The following SLC66A3 variants were observed in gnomAD, a reference collection of about 807,000 sequenced individuals.
The protein encoded by SLC66A3 is PQ loop repeat containing 3.
Under a neutral mutation model 25.5 loss-of-function variants are expected in SLC66A3, and 23 were observed. The observed-to-expected ratio is 0.90, with a 90% CI of 0.65 to 1.28. The LOEUF is 1.28. Ranked by LOEUF, SLC66A3 falls within the 50% of genes most tolerant of loss-of-function variation. The pLI, the probability that SLC66A3 is intolerant of heterozygous loss-of-function variation, is 0.00. For missense variants in SLC66A3, 246 were observed against 262.1 expected (o/e 0.94, Z 0.42); for synonymous variants, 108 against 112.6 (o/e 0.96, Z 0.26).
chr2:11,176,166 T>C (rs921556819), intron 6 of SLC66A3, among the ~76,000 whole-genome samples: 1 of 152,336 alleles, frequency 6.6e-6, no homozygotes, highest in Non-Finnish European at 1.5e-5. Context: ...TTATTTCTTA[T>C]CTATGACAGC....
intron 4 of SLC66A3, among the ~76,000 whole-genome samples, chr2:11,165,570 G>A (rs577762604): frequency 1.9e-3 from 286 of 151,828 alleles, no homozygotes; most frequent in Non-Finnish European, 3.5e-3. Flanking sequence ...CATCCCAGAC[G>A]ATGGGCGGCC....
intron 1 of SLC66A3, among the ~76,000 whole-genome samples, chr2:11,158,864 C>G (rs1169582210): frequency 6.6e-6 from 1 of 152,210 alleles, no homozygotes; most frequent in African/African-American, 2.4e-5. Context: ...ACTGTCCCCA[C>G]CCCACCTCCC....
At chr2:11,170,036 A>C (rs1479196505) in intron 4 of SLC66A3, among the ~76,000 whole-genome samples, 1 of 151,708 alleles carries the variant, frequency 6.6e-6, no homozygotes, top group African/African-American at 2.4e-5. Flanking sequence ...ATGGGGTTTC[A>C]CCATGTTGAC....
At chr2:11,177,345 A>G (rs1662791765) in intron 6 of SLC66A3, among the ~76,000 whole-genome samples, 1 of 151,972 alleles carries the variant, frequency 6.6e-6, no homozygotes, top group South Asian at 2.1e-4. Context: ...CTGTCATCCC[A>G]GGTGCCTGGG....
At chr2:11,168,055 C>T (rs1233993452) in intron 4 of SLC66A3, among the ~76,000 whole-genome samples, 5 of 152,042 alleles carry the variant, frequency 3.3e-5, no homozygotes, top group Non-Finnish European at 5.9e-5. Context: ...CCGAGACGGG[C>T]GGATCACAAG....
At chr2:11,160,776 C>G (rs1049473801) in intron 3 of SLC66A3, 82 bp downstream of exon 3, 161 of 1,584,742 alleles carry the variant, frequency 1.0e-4, no homozygotes, top group Non-Finnish European at 1.3e-4. Flanking sequence ...GGCTCCTTTA[C>G]CAGATGTGTA....
At chr2:11,166,494 CTCTGTTACATT>C (rs1395127945) in intron 4 of SLC66A3, among the ~76,000 whole-genome samples, 6 of 152,330 alleles carry the variant, frequency 3.9e-5, no homozygotes, top group African/African-American at 1.4e-4. Context: ...AGACTAGATT[CTCTGTTACATT>C]TCTGTTACAT....
intron 2 of SLC66A3, 36 bp from the exon 3 acceptor site, chr2:11,160,588 TC>T: frequency 6.2e-7 from 1 of 1,614,112 alleles, no homozygotes; most frequent in Non-Finnish European, 8.5e-7. Flanking sequence ...GCCACGGGTC[TC>T]CCCTTCCCCC....
chr2:11,177,498 C>T (rs1302021923), intron 6 of SLC66A3, among the ~76,000 whole-genome samples: 1 of 151,988 alleles, frequency 6.6e-6, no homozygotes, highest in Non-Finnish European at 1.5e-5. Flanking sequence ...CCCTTCTTAG[C>T]CAGAGCCACA....
Position 11,177,946 on chromosome 2 carries a change from C to A in SLC66A3, c.*118C>A. 1 of 666,164 alleles carries A rather than the reference C, an allele frequency of 1.5e-6. No individual in the cohort carries two copies. The highest frequency in any genetic ancestry group is 2.5e-6 in the Non-Finnish European group (1 of 399,530). 41.3% of individuals were successfully genotyped at this position (666,164 alleles called of 1,614,324 possible). Reference sequence around the variant, plus strand: ...GTAAATCAGTTTATAATCTTTAAAGCCAAAGGTTTTTTTAGACTTGAAAGA... The same window carrying A: ...GTAAATCAGTTTATAATCTTTAAAGACAAAGGTTTTTTTAGACTTGAAAGA... On this transcript the variant is annotated 3_prime_UTR_variant, in exon 7 of 7. Coordinates refer to ENST00000295083, the MANE Select transcript of SLC66A3 (RefSeq NM_152391.5).
At chr2:11,164,302 A>G (rs1215322198) in intron 4 of SLC66A3, 41 bp downstream of exon 4, 1 of 902,830 alleles carries the variant, frequency 1.1e-6, no homozygotes, top group Admixed American at 3.0e-5. Context: ...GGAATAAGCT[A>G]CCTTGGAGAG....
intron 4 of SLC66A3, among the ~76,000 whole-genome samples, chr2:11,165,861 C>T (rs544327273): frequency 3.2e-4 from 49 of 150,892 alleles, no homozygotes; most frequent in African/African-American, 1.0e-3. Flanking sequence ...CAAAAAAATA[C>T]GAAAACCAGT....
intron 6 of SLC66A3, among the ~76,000 whole-genome samples, chr2:11,176,931 G>A (rs189303969): frequency 4.9e-4 from 75 of 152,248 alleles, no homozygotes; most frequent in African/African-American, 1.7e-3. Flanking sequence ...GAGTGTATCC[G>A]TACCTTAAAG....
chr2:11,166,952 G>T (rs1662366200), intron 4 of SLC66A3, among the ~76,000 whole-genome samples: 1 of 152,156 alleles, frequency 6.6e-6, no homozygotes, highest in Non-Finnish European at 1.5e-5. Context: ...ATTTGTTGTT[G>T]TTCTGAAATT....
chr2:11,169,498 C>T (rs1422276464), intron 4 of SLC66A3, among the ~76,000 whole-genome samples: 1 of 152,150 alleles, frequency 6.6e-6, no homozygotes, highest in African/African-American at 2.4e-5. Context: ...TTGACACCAT[C>T]GATCAGGACT....
intron 4 of SLC66A3, among the ~76,000 whole-genome samples, chr2:11,166,860 A>T (rs1662363105): frequency 6.6e-6 from 1 of 152,200 alleles, no homozygotes; most frequent in African/African-American, 2.4e-5. Flanking sequence ...ACGCCACTGC[A>T]CTCCAGCCTG....
rs1662847185 is a variant in SLC66A3, at chr2:11,178,445, G to GTAA, written c.*619_*621dup. 6.6e-6 allele frequency: 1 copy of GTAA among 152,640 alleles called. No homozygotes were observed. The highest frequency in any genetic ancestry group is 1.5e-5 in the Non-Finnish European group (1 of 68,054). The allele number at this position is 152,640 out of a possible 1,614,324, so 9.5% of individuals were successfully genotyped here. ...CCTTCAACTTTGCACTGTGCCTTAA[G>GTAA]TAATTACTAACAAAAGGTACTAGGA... On this transcript the variant is annotated 3_prime_UTR_variant, in exon 7 of 7. Coordinates refer to ENST00000295083, the MANE Select transcript of SLC66A3 (RefSeq NM_152391.5).
At chr2:11,160,097 G>T (rs529350796) in intron 1 of SLC66A3, among the ~76,000 whole-genome samples, 1 of 152,166 alleles carries the variant, frequency 6.6e-6, no homozygotes, top group South Asian at 2.1e-4. Context: ...GGCAGCTGCC[G>T]GGGTCAGTGG....
chr2:11,160,619 T>C lies in SLC66A3; in HGVS notation c.227-6T>C. The C allele has an allele frequency of 6.2e-7, 1 of 1,614,158 alleles. No individual in the cohort carries two copies. The highest frequency in any genetic ancestry group is 8.5e-7 in the Non-Finnish European group (1 of 1,180,034). Reference sequence around the variant, plus strand: ...TCCCCCCTCACTCGGAGCCTCTCTCTTTCAGATGTCATCCTCCTGCTCTGT... The same window carrying C: ...TCCCCCCTCACTCGGAGCCTCTCTCCTTCAGATGTCATCCTCCTGCTCTGT... On this transcript the variant is annotated splice_region_variant and splice_polypyrimidine_tract_variant and intron_variant, in intron 2 of 6. Coordinates refer to ENST00000295083, the MANE Select transcript of SLC66A3 (RefSeq NM_152391.5).
Sources: allele counts gnomAD v4.1 joint callset (sites outside exome capture counted in the v4.1 genomes callset), GRCh38; gene constraint gnomAD v4.1.1; transcripts MANE v1.5; gene names NCBI Gene and HGNC (gene_info 2026-07-23, HGNC 2026-07-21).